The following NFATC1 variants were observed in gnomAD, a reference collection of about 807,000 sequenced individuals.
NFATC1 encodes nuclear factor of activated T-cells, cytoplasmic 1.
NFATC1 carries 22 observed loss-of-function variants against 76.0 expected under a neutral mutation model. The observed-to-expected ratio is 0.29, with a 90% CI of 0.21 to 0.41. NFATC1 has a LOEUF of 0.41. NFATC1 is among the 10% of genes least tolerant of loss of function. The pLI is 1.00. For missense variants in NFATC1, 1,357 were observed against 1,337.7 expected, an observed-to-expected ratio of 1.01 and a Z score of -0.23; for synonymous variants, 704 against 613.1, an observed-to-expected ratio of 1.15 and a Z score of -2.19.
At chr18:79,476,802 G>A (rs1233816033) in intron 8 of NFATC1, among the ~76,000 whole-genome samples, 2 of 152,234 alleles carry the variant, frequency 1.3e-5, no homozygotes, top group Non-Finnish European at 2.9e-5. Flanking sequence ...CCTCCACGGA[G>A]CTGCAGTTTC....
chr18:79,432,875 G>A (rs902196175), intron 2 of NFATC1, among the ~76,000 whole-genome samples: 1 of 152,198 alleles, frequency 6.6e-6, no homozygotes, highest in African/African-American at 2.4e-5. Flanking sequence ...GACAGGGGCC[G>A]TGGGGCCCCC....
chr18:79,453,359 C>G (rs2087555088), intron 6 of NFATC1, among the ~76,000 whole-genome samples: 1 of 152,264 alleles, frequency 6.6e-6, no homozygotes, highest in Non-Finnish European at 1.5e-5. Flanking sequence ...GGTGCCCCAG[C>G]TCCTGCCCTA....
intron 3 of NFATC1, among the ~76,000 whole-genome samples, chr18:79,444,677 C>A (rs897073771): frequency 5.9e-5 from 9 of 151,484 alleles, no homozygotes; most frequent in Admixed American, 2.6e-4. Context: ...CTGTGGGCAC[C>A]CACGTGCCCG....
intron 2 of NFATC1, among the ~76,000 whole-genome samples, chr18:79,413,408 T>C (rs549832802): frequency 2.8e-4 from 43 of 152,328 alleles, no homozygotes; most frequent in African/African-American, 1.0e-3. Flanking sequence ...TGAGGGAGCA[T>C]CTGCCTGACC....
At chr18:79,481,229 G>A (rs2089260334) in intron 8 of NFATC1, among the ~76,000 whole-genome samples, 1 of 152,242 alleles carries the variant, frequency 6.6e-6, no homozygotes, top group Non-Finnish European at 1.5e-5. Context: ...GCAGGAAGGG[G>A]CAGTTCCTGA....
chr18:79,478,117 G>GCCCCCCC (rs35589244), intron 8 of NFATC1, among the ~76,000 whole-genome samples: 1 of 87,348 alleles, frequency 1.1e-5, no homozygotes, highest in Non-Finnish European at 2.2e-5. Flanking sequence ...TTGCCCCCAG[G>GCCCCCCC]CCCCCCCCCG....
intron 8 of NFATC1, among the ~76,000 whole-genome samples, chr18:79,482,814 ACCTGGTCCGGGGGTGTAATTCCAGCG>A (rs1465021297): frequency 1.9e-5 from 2 of 104,588 alleles, no homozygotes; most frequent in African/African-American, 7.4e-5. Context: ...CTTCAGCGTG[ACCTGGTCCGGGGGTGTAATTCCAGCG>A]TGACCTGGTC....
intron 3 of NFATC1, among the ~76,000 whole-genome samples, chr18:79,439,243 C>T (rs145446254): frequency 6.6e-6 from 1 of 152,294 alleles, no homozygotes; most frequent in East Asian, 1.9e-4. Context: ...AACTGGAAAG[C>T]CGGGGAGGGA....
rs1377440317 is a variant in NFATC1 at position 79,448,779 on chromosome 18, C to T, written c.1387-3C>T. The T allele has an allele frequency of 2.5e-6, 4 of 1,612,762 alleles. No individual in the cohort carries two copies. In the South Asian group the frequency reaches 3.3e-5, roughly 13 times the overall value. The stretch of plus-strand genomic sequence containing the variant: ...GAGCAGGTGTTTTCTGTTCTCTCGC[C>T]AGCTGCATGGCTACTTGGAGAATGA... On this transcript the variant is annotated splice_polypyrimidine_tract_variant and splice_region_variant and intron_variant, in intron 3 of 9. Transcript: ENST00000427363.
intron 8 of NFATC1, among the ~76,000 whole-genome samples, chr18:79,481,213 G>T (rs544770882): frequency 6.6e-6 from 1 of 152,356 alleles, no homozygotes; most frequent in East Asian, 1.9e-4. Flanking sequence ...GCTTCAAGCT[G>T]GAACAGCAGG....
At chr18:79,485,086 C>T (rs572457713) in intron 8 of NFATC1, among the ~76,000 whole-genome samples, 3 of 152,208 alleles carry the variant, frequency 2.0e-5, no homozygotes, top group South Asian at 2.1e-4. Flanking sequence ...TCTGTGGTGG[C>T]GACTGTTTGC....
rs528296328 is a variant in NFATC1, at chr18:79,492,557, A to G, written c.2782+5620A>G. Among the ~76,000 whole-genome samples, 38 of 152,168 alleles carry G rather than the reference A, an allele frequency of 2.5e-4. 2 individuals carry two copies. In the Middle Eastern group the frequency reaches 0.014, roughly 54 times the overall value. ...ACCCCATCTCTACTAAAAATACAAA[A>G]AATTAGCCGGGAGTGGTGGCGGGCG... is the stretch of plus-strand genomic sequence containing the variant. On this transcript the variant is annotated intron_variant, in intron 9 of 9. Transcript: ENST00000427363.
Position 79,410,574 on chromosome 18 carries a change from A to T in NFATC1, c.299A>T (p.Tyr100Phe). ...GCTTTGGACGGTGGGCCCGCGGGCT[A>T]CTTCCTCTCCTCCGGCCACACCAGG... is the stretch of plus-strand genomic sequence containing the variant. ...GAALDGGPAG[Y>F]FLSSGHTRPD... Residue 100 changes from tyrosine to phenylalanine, a missense_variant, in exon 2 of 10, where the codon TAC becomes TTC. Around this residue, in one of 3 missense-constraint regions of NFATC1, gnomAD observed 691 missense variants for 613.1 expected, o/e 1.13. Coordinates refer to ENST00000427363, the MANE Select transcript of NFATC1 (RefSeq NM_001278669.2). The surrounding 1 kb of genome is among the most constrained non-coding windows in gnomAD (Gnocchi z 6.7). 1 of 1,611,684 alleles carries T rather than the reference A, an allele frequency of 6.2e-7. No individual in the cohort carries two copies. The highest frequency in any genetic ancestry group is 8.5e-7 in the Non-Finnish European group (1 of 1,179,930).
chr18:79,429,715 G>A (rs2086524361), intron 2 of NFATC1, among the ~76,000 whole-genome samples: 1 of 152,202 alleles, frequency 6.6e-6, no homozygotes, highest in African/African-American at 2.4e-5. Flanking sequence ...AATTCATGCT[G>A]AAAATTTCTA....
chr18:79,514,614 C>T (rs949947378), intron 9 of NFATC1, among the ~76,000 whole-genome samples: 1 of 150,746 alleles, frequency 6.6e-6, no homozygotes, highest in African/African-American at 2.4e-5. Context: ...CCCACCCCCA[C>T]CACCCTGGCA....
At chr18:79,474,009 C>A (rs1220401576) in intron 8 of NFATC1, among the ~76,000 whole-genome samples, 2 of 146,164 alleles carry the variant, frequency 1.4e-5, no homozygotes, top group Non-Finnish European at 1.5e-5. Flanking sequence ...TTCACACTCA[C>A]TGTCGACGTA....
intron 9 of NFATC1, among the ~76,000 whole-genome samples, chr18:79,516,661 ATT>A (rs1429912438): frequency 6.6e-6 from 1 of 152,210 alleles, no homozygotes; most frequent in African/African-American, 2.4e-5. Flanking sequence ...AGGAGGAAAC[ATT>A]TATGGTAGAC....
At chr18:79,427,884 C>CGGTGGGTGTCGGGGGGGCTGG (rs2086444903) in intron 2 of NFATC1, among the ~76,000 whole-genome samples, 1 of 114,036 alleles carries the variant, frequency 8.8e-6, no homozygotes, top group Non-Finnish European at 1.7e-5. Context: ...GGCCTCTGTG[C>CGGTGGGTGTCGGGGGGGCTGG]AGTGAGTCGG....
At chr18:79,475,399 T>A (rs574955101) in intron 8 of NFATC1, among the ~76,000 whole-genome samples, 103 of 151,306 alleles carry the variant, frequency 6.8e-4, no homozygotes, top group African/African-American at 2.4e-3. Context: ...AAGCGTGTTC[T>A]CACGCTCACC....
Sources: gnomAD v4.1 joint callset for allele counts (sites outside exome capture counted in the v4.1 genomes callset) on GRCh38, gnomAD v4.1.1 for gene constraint, gnomAD v4.1.1 regional missense constraint, Gnocchi (gnomAD v3.1) non-coding constraint, MANE v1.5 for transcripts, NCBI Gene and HGNC (gene_info 2026-07-23, HGNC 2026-07-21) for gene names.